SCHIP1: variants seen among roughly 807,000 people sequenced by gnomAD.
The protein encoded by SCHIP1 is schwannomin interacting protein 1, also known as schwannomin-interacting protein 1.
In SCHIP1, 8 loss-of-function variants were observed where a neutral mutation model predicts 29.7. The observed-to-expected ratio is 0.27, with a 90% CI of 0.16 to 0.49. SCHIP1 has a LOEUF of 0.49. Among genes scored for constraint, SCHIP1 ranks in the 20% least tolerant of loss-of-function variants. The pLI is 0.99. For synonymous variants in SCHIP1, 76 were observed against 94.9 expected (o/e 0.80, Z 1.16); for missense variants, 193 against 294.6 (o/e 0.66, Z 2.52).
intron 1 of SCHIP1, among the ~76,000 whole-genome samples, chr3:159,849,052 C>T (rs1000872248): frequency 8.6e-5 from 12 of 139,132 alleles, no homozygotes; most frequent in Non-Finnish European, 1.6e-4. Flanking sequence ...TTAGAGAACA[C>T]TTACGACAAA....
chr3:159,776,915 C>T, the SCHIP1 span, among the ~76,000 whole-genome samples: 2 of 152,046 alleles, frequency 1.3e-5, no homozygotes, highest in African/African-American at 4.8e-5. Flanking sequence ...ATAGATAACC[C>T]ACTGGAGCAG....
the SCHIP1 span, among the ~76,000 whole-genome samples, chr3:159,359,965 G>A: frequency 0.011 from 1,693 of 152,308 alleles, 19 homozygotes; most frequent in South Asian, 0.033. Flanking sequence ...ACTCTCCCTT[G>A]TTTGTTAGCT....
chr3:159,814,880 G>A, the SCHIP1 span, among the ~76,000 whole-genome samples: 1 of 152,274 alleles, frequency 6.6e-6, no homozygotes, highest in African/African-American at 2.4e-5. Flanking sequence ...AATTTCAGGG[G>A]CTCTTCATGA....
chr3:159,274,651 A>G, the SCHIP1 span: 3 of 818,410 alleles, frequency 3.7e-6, no homozygotes, highest in Non-Finnish European at 4.4e-6. Flanking sequence ...CAACCAACGA[A>G]GAAATAATAC....
At chr3:159,535,847 A>G in the SCHIP1 span, among the ~76,000 whole-genome samples, 8 of 152,082 alleles carry the variant, frequency 5.3e-5, no homozygotes, top group Admixed American at 3.9e-4. Flanking sequence ...GTATTCTCCA[A>G]CTGTTTATAA....
chr3:159,352,923 T>A, the SCHIP1 span, among the ~76,000 whole-genome samples: 25 of 152,100 alleles, frequency 1.6e-4, no homozygotes, highest in Non-Finnish European at 3.4e-4. Context: ...ATAATTCAGG[T>A]GGTACACAGC....
At chr3:159,607,462 C>T in the SCHIP1 span, among the ~76,000 whole-genome samples, 1 of 152,088 alleles carries the variant, frequency 6.6e-6, no homozygotes, top group Non-Finnish European at 1.5e-5. Context: ...ATAAAGAAGA[C>T]ATTCAACTGT....
At chr3:159,452,080 C>T in the SCHIP1 span, among the ~76,000 whole-genome samples, 2 of 151,770 alleles carry the variant, frequency 1.3e-5, no homozygotes, top group East Asian at 3.9e-4. Context: ...CCTACATGCC[C>T]CTAATTTCAC....
At chr3:159,637,536 A>C in the SCHIP1 span, among the ~76,000 whole-genome samples, 1 of 152,326 alleles carries the variant, frequency 6.6e-6, no homozygotes, top group South Asian at 2.1e-4. Context: ...TTAGCCAGGC[A>C]GGAAGGACAT....
At chr3:159,409,628 T>C in the SCHIP1 span, among the ~76,000 whole-genome samples, 1 of 151,804 alleles carries the variant, frequency 6.6e-6, no homozygotes, top group African/African-American at 2.4e-5. Flanking sequence ...ATGAAAGAAA[T>C]GGAAGATGAC....
chr3:159,568,926 T>C, the SCHIP1 span, among the ~76,000 whole-genome samples: 2 of 152,214 alleles, frequency 1.3e-5, no homozygotes, highest in African/African-American at 2.4e-5. Flanking sequence ...TGTTATCTCT[T>C]TCTAGTGAAG....
At chr3:159,666,357 G>A in the SCHIP1 span, among the ~76,000 whole-genome samples, 1 of 152,192 alleles carries the variant, frequency 6.6e-6, no homozygotes, top group African/African-American at 2.4e-5. Context: ...AGACAAAGTA[G>A]GAATAGAAGA....
chr3:159,703,973 T>A, the SCHIP1 span, among the ~76,000 whole-genome samples: 6 of 152,316 alleles, frequency 3.9e-5, no homozygotes, highest in East Asian at 7.7e-4. Flanking sequence ...AGGCCTTCCT[T>A]GTCTGCATCA....
chr3:159,536,762 G>T, the SCHIP1 span, among the ~76,000 whole-genome samples: 1 of 152,150 alleles, frequency 6.6e-6, no homozygotes, highest in South Asian at 2.1e-4. Flanking sequence ...TGGCTCATGA[G>T]AACTAATTGT....
At chr3:159,570,858 T>C in the SCHIP1 span, among the ~76,000 whole-genome samples, 78 of 152,206 alleles carry the variant, frequency 5.1e-4, 2 homozygotes, top group South Asian at 0.013. Flanking sequence ...AGAGGTCCTT[T>C]ACATCCCTTG....
At chr3:159,446,602 A>G in the SCHIP1 span, among the ~76,000 whole-genome samples, 1 of 152,220 alleles carries the variant, frequency 6.6e-6, no homozygotes, top group Admixed American at 6.5e-5. Context: ...ATACAATACA[A>G]TAAGGCAATA....
the SCHIP1 span, among the ~76,000 whole-genome samples, chr3:159,480,483 G>C: frequency 6.6e-6 from 1 of 152,120 alleles, no homozygotes; most frequent in Non-Finnish European, 1.5e-5. Flanking sequence ...AGAGTAAAAT[G>C]ATGATGGCTT....
At chr3:159,880,047 A>T (rs1206315098) in intron 2 of SCHIP1, among the ~76,000 whole-genome samples, 1 of 152,226 alleles carries the variant, frequency 6.6e-6, no homozygotes, top group Non-Finnish European at 1.5e-5. Flanking sequence ...TAGGAGGAGA[A>T]AACCCAGAGA....
chr3:159,541,519 A>C, the SCHIP1 span, among the ~76,000 whole-genome samples: 2 of 152,062 alleles, frequency 1.3e-5, no homozygotes, highest in African/African-American at 2.4e-5. Context: ...AATCCTGTGA[A>C]AAGGTGACCT....
Sources: gnomAD v4.1 joint callset for allele counts (sites outside exome capture counted in the v4.1 genomes callset) on GRCh38, gnomAD v4.1.1 for gene constraint, MANE v1.5 for transcripts, NCBI Gene and HGNC (gene_info 2026-07-23, HGNC 2026-07-21) for gene names.